The following RNF122 variants were observed in gnomAD, a reference collection of about 807,000 sequenced individuals.
The protein encoded by RNF122 is ring finger protein 122.
RNF122 carries 17 observed loss-of-function variants against 24.2 expected under a neutral mutation model. The observed-to-expected ratio is 0.70, with a 90% CI of 0.48 to 1.06. The LOEUF (loss-of-function observed/expected upper bound fraction) is 1.06, where lower values mean the gene tolerates loss of function less well. Among genes scored for constraint, RNF122 ranks in the 50% least tolerant of loss-of-function variants. The pLI, the probability that RNF122 is intolerant of heterozygous loss-of-function variation, is 0.00. For missense variants in RNF122, 168 were observed against 198.1 expected, an observed-to-expected ratio of 0.85 and a Z score of 0.91; for synonymous variants, 65 against 71.8, an observed-to-expected ratio of 0.91 and a Z score of 0.48.
chr8:33,567,116 T>C lies in RNF122; in HGVS notation c.-393A>G. ...CGGCGCAGAGGTGAGCTGGCTGGGG[T>C]TCCGAAACTGACACCCGGCGGTGCA... On this transcript the variant is annotated 5_prime_UTR_variant, in exon 1 of 6. Coordinates refer to ENST00000256257, the MANE Select transcript of RNF122 (RefSeq NM_024787.3). 3.7e-6 allele frequency: 1 copy of C among 267,068 alleles called. No homozygotes were observed. The highest frequency in any genetic ancestry group is 7.3e-6 in the Non-Finnish European group (1 of 136,416). The allele number at this position is 267,068 out of a possible 1,614,324, so 16.5% of individuals were successfully genotyped here. A position where few individuals can be genotyped will look rare whatever the true frequency, so the allele number is the denominator to read the frequency against.
At chr8:33,562,639 TCAGGC>T (rs1461626622) in intron 1 of RNF122, among the ~76,000 whole-genome samples, 1 of 150,906 alleles carries the variant, frequency 6.6e-6, no homozygotes, top group African/African-American at 2.4e-5. Context: ...AAAGTGAGGC[TCAGGC>T]CAGGTGCAGT....
chr8:33,562,556 A>G (rs957986156), intron 1 of RNF122, among the ~76,000 whole-genome samples: 1 of 151,542 alleles, frequency 6.6e-6, no homozygotes, highest in Non-Finnish European at 1.5e-5. Flanking sequence ...AAAAAGAAAA[A>G]GAAAAAAAAA....
chr8:33,564,677 A>C (rs1253509482), intron 1 of RNF122, among the ~76,000 whole-genome samples: 1 of 152,214 alleles, frequency 6.6e-6, no homozygotes, highest in African/African-American at 2.4e-5. Context: ...GTTCAAGACC[A>C]GTCTGAACAA....
At position 33,562,090 on chromosome 8, in the gene RNF122, A is replaced by G. The variant is rs568483751; in HGVS notation, c.26-3319T>C. On this transcript the variant is annotated intron_variant, in intron 1 of 5. Transcript: ENST00000256257. ...GGCCCATCAAGCCTGTGATAGTCCA[A>G]TAACCTCTCTTCCTTCAATTCTACA... is the stretch of plus-strand genomic sequence containing the variant. Among the ~76,000 whole-genome samples the G allele has an allele frequency of 2.0e-5, 3 of 152,266 alleles. No homozygotes were observed. In the South Asian group the frequency reaches 6.2e-4, roughly 32 times the overall value.
Position 33,567,108 on chromosome 8 carries a change from G to A in RNF122, c.-385C>T, listed in dbSNP as rs141376008. The A allele has an allele frequency of 5.5e-3, 1,548 of 279,452 alleles. 19 individuals carry two copies. Among genetic ancestry groups the A allele is most frequent in the African/African-American group, 0.032 (1,364 of 42,810 alleles). The allele number at this position is 279,452 out of a possible 1,614,324, so 17.3% of individuals were successfully genotyped here. ...GGGTTCAGCGGCGCAGAGGTGAGCT[G>A]GCTGGGGTTCCGAAACTGACACCCG... On this transcript the variant is annotated 5_prime_UTR_variant, in exon 1 of 6. Coordinates refer to ENST00000256257, the MANE Select transcript of RNF122 (RefSeq NM_024787.3).
At chr8:33,560,949 A>C (rs1238862085) in intron 1 of RNF122, among the ~76,000 whole-genome samples, 3 of 152,040 alleles carry the variant, frequency 2.0e-5, no homozygotes, top group African/African-American at 7.2e-5. Context: ...AACAAAAACA[A>C]AACAAAAAAA....
chr8:33,549,550 C>T (rs1810340524), intron 4 of RNF122, 58 bp from the exon 5 acceptor site: 1 of 1,339,094 alleles, frequency 7.5e-7, no homozygotes, highest in Non-Finnish European at 1.1e-6. Context: ...ACTCATTCAA[C>T]CCCAGACAAG....
At chr8:33,566,244 C>G (rs532664732) in intron 1 of RNF122, among the ~76,000 whole-genome samples, 34 of 152,328 alleles carry the variant, frequency 2.2e-4, no homozygotes, top group African/African-American at 7.2e-4. Context: ...GCTACCCCCG[C>G]GCCCAGTCCC....
Position 33,549,507 on chromosome 8 carries a change from G to A in RNF122, c.271-15C>T, listed in dbSNP as rs751866841. 3.7e-6 allele frequency: 6 copies of A among 1,605,522 alleles called. No individual in the cohort carries two copies. Among genetic ancestry groups the A allele is most frequent in the Non-Finnish European group, 4.3e-6 (5 of 1,172,184 alleles). The stretch of plus-strand genomic sequence containing the variant: ...GCGCAGGTCTGCTGCAGAGAGAAAA[G>A]AGCAGGTGTGTGAGGAACTGGGGAA... On this transcript the variant is annotated splice_polypyrimidine_tract_variant and intron_variant, in intron 4 of 5. Coordinates refer to ENST00000256257, the MANE Select transcript of RNF122 (RefSeq NM_024787.3).
chr8:33,567,011 G>A lies in RNF122; in HGVS notation c.-288C>T, dbSNP rs974381036. ...GCTGGGGGAATGTGGGGCGCCGCGG[G>A]GCGGGGGTGCCCGGGCTGCAGAAGC... On this transcript the variant is annotated 5_prime_UTR_variant, in exon 1 of 6. Coordinates refer to ENST00000256257, the MANE Select transcript of RNF122 (RefSeq NM_024787.3). The A allele has an allele frequency of 2.5e-5, 12 of 480,726 alleles. No individual in the cohort carries two copies. Among genetic ancestry groups the A allele is most frequent in the African/African-American group, 1.7e-4 (8 of 47,616 alleles). 29.8% of individuals were successfully genotyped at this position (480,726 alleles called of 1,614,324 possible).
intron 2 of RNF122, among the ~76,000 whole-genome samples, chr8:33,558,038 G>A (rs1460816954): frequency 6.6e-6 from 1 of 152,156 alleles, no homozygotes; most frequent in East Asian, 1.9e-4. Context: ...AGCTACTTGG[G>A]AGACTGAGGC....
At position 33,566,907 on chromosome 8, in the gene RNF122, C is replaced by T. The variant is rs2128841350; in HGVS notation, c.-184G>A. 1.5e-6 allele frequency: 1 copy of T among 657,704 alleles called. No individual in the cohort carries two copies. The highest frequency in any genetic ancestry group is 2.7e-6 in the Non-Finnish European group (1 of 369,678). The allele number at this position is 657,704 out of a possible 1,614,324, so 40.7% of individuals were successfully genotyped here. On this transcript the variant is annotated 5_prime_UTR_variant, in exon 1 of 6. Transcript: ENST00000256257. The stretch of plus-strand genomic sequence containing the variant: ...GCTTTGACGAGGCTGGTGTTCAGCC[C>T]AACAAAGAGGGACGAGGAGGAAACA...
intron 1 of RNF122, among the ~76,000 whole-genome samples, chr8:33,564,338 AG>A (rs2128840817): frequency 6.6e-6 from 1 of 152,302 alleles, no homozygotes; most frequent in South Asian, 2.1e-4. Context: ...GCTTGAGCCC[AG>A]GAGTTCAAGA....
intron 1 of RNF122, among the ~76,000 whole-genome samples, chr8:33,558,990 T>A (rs952936664): frequency 6.6e-6 from 1 of 152,088 alleles, no homozygotes; most frequent in Non-Finnish European, 1.5e-5. Flanking sequence ...CTTAAAACAA[T>A]ATCCCCATCT....
chr8:33,562,750 A>G lies in RNF122; in HGVS notation c.25+3949T>C, dbSNP rs141369879. ...ACCAACCTGGCTAACATGGTGAAAC[A>G]CCATCTCTACTAAAATACAAAAATT... is the stretch of plus-strand genomic sequence containing the variant. On this transcript the variant is annotated intron_variant, in intron 1 of 5. Coordinates refer to ENST00000256257, the MANE Select transcript of RNF122 (RefSeq NM_024787.3). Among the ~76,000 whole-genome samples the G allele has an allele frequency of 2.9e-3, 437 of 151,446 alleles. 2 individuals carry two copies. Among genetic ancestry groups the G allele is most frequent in the Non-Finnish European group, 3.8e-3 (260 of 67,824 alleles).
chr8:33,565,338 C>T (rs1810606206), intron 1 of RNF122, among the ~76,000 whole-genome samples: 1 of 151,900 alleles, frequency 6.6e-6, no homozygotes, highest in Non-Finnish European at 1.5e-5. Flanking sequence ...AGCCTCTTGA[C>T]ATAATTAATC....
At position 33,563,696 on chromosome 8, in the gene RNF122, C is replaced by T. The variant is rs550776883; in HGVS notation, c.25+3003G>A. On this transcript the variant is annotated intron_variant, in intron 1 of 5. Transcript: ENST00000256257. ...AAGGGGCTCAGGACTTCCCTTCCAA[C>T]AAGACCTGGTGCTCCCAGCTGTTTT... Among the ~76,000 whole-genome samples the T allele has an allele frequency of 1.1e-3, 160 of 152,284 alleles. 2 individuals are homozygous for T. Among genetic ancestry groups the T allele is most frequent in the African/African-American group, 3.5e-3 (145 of 41,568 alleles).
At position 33,548,828 on chromosome 8, in the gene RNF122, G is replaced by C; in HGVS notation, c.393C>G (p.Pro131=). 6.2e-7 allele frequency: 1 copy of C among 1,613,962 alleles called. No individual in the cohort carries two copies. The highest frequency in any genetic ancestry group is 8.5e-7 in the Non-Finnish European group (1 of 1,179,954). The part of the protein sequence containing the change: ...VKWLEVRCVC[P]MCNKPIASPS... Reference sequence around the variant, plus strand: ...GACTAGCAATGGGCTTGTTACACATGGGGCAGACACAGCGAACTTCCAGCC... The same window carrying C: ...GACTAGCAATGGGCTTGTTACACATCGGGCAGACACAGCGAACTTCCAGCC... The change falls in exon 6 of 6, where the codon CCC becomes CCG. Residue 131 remains proline, a synonymous_variant. Coordinates refer to ENST00000256257, the MANE Select transcript of RNF122 (RefSeq NM_024787.3).
intron 1 of RNF122, among the ~76,000 whole-genome samples, chr8:33,559,927 C>T (rs575881265): frequency 6.5e-4 from 98 of 151,684 alleles, no homozygotes; most frequent in African/African-American, 1.1e-3. Context: ...CTGCAAACCC[C>T]GCCTCCCAGG....
Sources: gnomAD v4.1 joint callset for allele counts (sites outside exome capture counted in the v4.1 genomes callset) on GRCh38, gnomAD v4.1.1 for gene constraint, MANE v1.5 for transcripts, NCBI Gene and HGNC (gene_info 2026-07-23, HGNC 2026-07-21) for gene names.